Variants in CTNNA2 observed in about 807,000 individuals in gnomAD.
CTNNA2 encodes catenin alpha-2.
CTNNA2 carries 42 observed loss-of-function variants against 101.0 expected under a neutral mutation model. The observed-to-expected ratio is 0.42, with a 90% CI of 0.32 to 0.54. CTNNA2 has a LOEUF of 0.54. Among genes scored for constraint, CTNNA2 ranks in the 20% least tolerant of loss-of-function variants. The pLI, the probability that CTNNA2 is intolerant of heterozygous loss-of-function variation, is 0.14. For synonymous variants in CTNNA2, 450 were observed against 456.4 expected (o/e 0.99, Z 0.18); for missense variants, 871 against 1,223.1 (o/e 0.71, Z 4.29).
At position 80,437,710 on chromosome 2, in the gene CTNNA2, A is replaced by G. The variant is rs550736700; in HGVS notation, c.1290+18109A>G. ...GCTAGAGCTGCCATTAAAACATACC[A>G]CACACTGACCGGGTGCAGTGGCTTT... On this transcript the variant is annotated intron_variant, in intron 9 of 18. Transcript: ENST00000402739. Among the ~76,000 whole-genome samples, 7 of 152,328 alleles carry G rather than the reference A, an allele frequency of 4.6e-5. No homozygotes were observed. The South Asian group carries it at 1.4e-3, about 32-fold the overall frequency.
intron 3 of CTNNA2, among the ~76,000 whole-genome samples, chr2:79,795,804 C>A (rs1219327367): frequency 6.6e-6 from 1 of 152,172 alleles, no homozygotes; most frequent in Admixed American, 6.5e-5. Flanking sequence ...TGAGAAAATG[C>A]ATTTCCATGC....
intron 2 of CTNNA2, among the ~76,000 whole-genome samples, chr2:79,256,731 G>A (rs2104280457): frequency 6.6e-6 from 1 of 152,286 alleles, no homozygotes; most frequent in South Asian, 2.1e-4. Flanking sequence ...TCTGGATTCT[G>A]TAAATGCTTC....
At chr2:80,114,505 A>T (rs906481576) in intron 7 of CTNNA2, among the ~76,000 whole-genome samples, 3 of 152,206 alleles carry the variant, frequency 2.0e-5, no homozygotes, top group Non-Finnish European at 4.4e-5. Flanking sequence ...CACTGGCCAT[A>T]TCCTCTGCTC....
At chr2:79,989,232 T>C (rs924213525) in intron 7 of CTNNA2, among the ~76,000 whole-genome samples, 2 of 152,132 alleles carry the variant, frequency 1.3e-5, no homozygotes, top group East Asian at 3.9e-4. Flanking sequence ...GAAACAAAAA[T>C]GTTGGGTCTA....
intron 4 of CTNNA2, among the ~76,000 whole-genome samples, chr2:79,481,234 G>T (rs1243055313): frequency 6.6e-6 from 1 of 152,058 alleles, no homozygotes; most frequent in Non-Finnish European, 1.5e-5. Context: ...TCTGAGGAAG[G>T]TGCCTCTAAA....
intron 4 of CTNNA2, among the ~76,000 whole-genome samples, chr2:79,441,686 G>A (rs1051730252): frequency 1.3e-5 from 2 of 152,128 alleles, no homozygotes; most frequent in Admixed American, 6.6e-5. Context: ...ACAAACAATG[G>A]AGTGGTACTT....
intron 9 of CTNNA2, among the ~76,000 whole-genome samples, chr2:80,489,757 G>C (rs1157795926): frequency 6.6e-6 from 1 of 152,178 alleles, no homozygotes; most frequent in Non-Finnish European, 1.5e-5. Flanking sequence ...ATCAGTTCAA[G>C]ATGTATTCTC....
At chr2:79,351,563 G>GT (rs888624843) in intron 3 of CTNNA2, among the ~76,000 whole-genome samples, 1 of 152,046 alleles carries the variant, frequency 6.6e-6, no homozygotes, top group African/African-American at 2.4e-5. Context: ...CCAATAGGTA[G>GT]TTTTTTTCAA....
At chr2:79,791,118 A>G (rs1675235573) in intron 3 of CTNNA2, among the ~76,000 whole-genome samples, 1 of 152,188 alleles carries the variant, frequency 6.6e-6, no homozygotes, top group African/African-American at 2.4e-5. Context: ...CAGTGTACTT[A>G]TTGGTAGATT....
intron 1 of CTNNA2, among the ~76,000 whole-genome samples, chr2:79,609,230 C>T (rs1418712860): frequency 6.6e-6 from 1 of 151,846 alleles, no homozygotes; most frequent in African/African-American, 2.4e-5. Flanking sequence ...TATAAAAACC[C>T]AATATTATTA....
chr2:79,438,090 A>G (rs924172964), intron 4 of CTNNA2, among the ~76,000 whole-genome samples: 10 of 141,396 alleles, frequency 7.1e-5, no homozygotes, highest in African/African-American at 2.9e-4. Flanking sequence ...GCAGTCACTC[A>G]TTCTTGCAAA....
At chr2:79,467,071 A>C (rs985182809) in intron 4 of CTNNA2, among the ~76,000 whole-genome samples, 2 of 152,370 alleles carry the variant, frequency 1.3e-5, no homozygotes, top group South Asian at 4.1e-4. Flanking sequence ...AGATGATCAA[A>C]CTTCTCTGAG....
At chr2:80,000,610 T>G (rs925562278) in intron 7 of CTNNA2, among the ~76,000 whole-genome samples, 3 of 152,170 alleles carry the variant, frequency 2.0e-5, no homozygotes, top group Non-Finnish European at 4.4e-5. Context: ...ATTGATATTA[T>G]ACTTCCTGCA....
chr2:80,291,901 C>G (rs955686771), intron 7 of CTNNA2, among the ~76,000 whole-genome samples: 12 of 152,150 alleles, frequency 7.9e-5, no homozygotes, highest in African/African-American at 2.9e-4. Context: ...ACTAAAGAAC[C>G]AGAACAAAGT....
chr2:79,257,697 G>C (rs1674865993), intron 2 of CTNNA2, among the ~76,000 whole-genome samples: 1 of 151,916 alleles, frequency 6.6e-6, no homozygotes, highest in Non-Finnish European at 1.5e-5. Context: ...GAGAGGAAGA[G>C]AAGGAATATG....
chr2:79,373,225 G>A (rs1047600186), intron 3 of CTNNA2, among the ~76,000 whole-genome samples: 1 of 152,112 alleles, frequency 6.6e-6, no homozygotes. Flanking sequence ...GCTAAAGATT[G>A]CATCTTTATC....
rs1056537815 is a variant in CTNNA2 at position 80,614,358 on chromosome 2, A to G, written c.2431-4727A>G. Among the ~76,000 whole-genome samples the G allele has an allele frequency of 2.0e-5, 3 of 151,564 alleles. No homozygotes were observed. The Admixed American group carries it at 2.0e-4, about 10-fold the overall frequency. On this transcript the variant is annotated intron_variant, in intron 17 of 18. Transcript: ENST00000402739. ...ACAATGTAGTACTTATATAATATTT[A>G]TGTAACATTTGCATCATAATAGGTA...
At chr2:79,669,100 G>T (rs2104572143) in intron 2 of CTNNA2, among the ~76,000 whole-genome samples, 1 of 152,276 alleles carries the variant, frequency 6.6e-6, no homozygotes, top group Non-Finnish European at 1.5e-5. Context: ...GGAAGCATTA[G>T]TACATTTTGA....
intron 7 of CTNNA2, among the ~76,000 whole-genome samples, chr2:80,024,721 G>T (rs1694826778): frequency 6.6e-6 from 1 of 151,958 alleles, no homozygotes; most frequent in East Asian, 1.9e-4. Flanking sequence ...AAGAGTGTCT[G>T]CGACCCCTGG....
Sources: allele counts gnomAD v4.1 joint callset (sites outside exome capture counted in the v4.1 genomes callset), GRCh38; gene constraint gnomAD v4.1.1; transcripts MANE v1.5; gene names NCBI Gene and HGNC (gene_info 2026-07-23, HGNC 2026-07-21).